The following YPEL2 variants were observed in gnomAD, a reference collection of about 807,000 sequenced individuals.
The protein encoded by YPEL2 is yippee like 2, also known as protein yippee-like 2.
In YPEL2, 2 loss-of-function variants were observed where a neutral mutation model predicts 19.1. The observed-to-expected ratio is 0.10, with a 90% CI of 0.04 to 0.33. The LOEUF is 0.33. YPEL2 is among the 10% of genes least tolerant of loss of function. The pLI is 1.00. For synonymous variants in YPEL2, 52 were observed against 50.0 expected, an observed-to-expected ratio of 1.04 and a Z score of -0.17; for missense variants, 66 against 140.7, an observed-to-expected ratio of 0.47 and a Z score of 2.68.
intron 1 of YPEL2, among the ~76,000 whole-genome samples, chr17:59,350,151 G>T (rs1182320921): frequency 6.6e-6 from 1 of 151,536 alleles, no homozygotes; most frequent in Non-Finnish European, 1.5e-5. Flanking sequence ...GTGCACTGCA[G>T]TCTCAACCTC....
chr17:59,338,411 T>C (rs1443427421), intron 1 of YPEL2, among the ~76,000 whole-genome samples: 1 of 152,222 alleles, frequency 6.6e-6, no homozygotes, highest in Non-Finnish European at 1.5e-5. Flanking sequence ...GTATTTTGTT[T>C]TCTCAAGACA....
In YPEL2 at chr17:59,397,311, C is replaced by A; in HGVS notation, c.*121C>A. On this transcript the variant is annotated 3_prime_UTR_variant, in exon 5 of 5. Coordinates refer to ENST00000312655, the MANE Select transcript of YPEL2 (RefSeq NM_001005404.4). ...CATTTAGGGGCCTTGCCATCCGGGG[C>A]ATCCTCCCACCCTGACGCCATCTTT... 1 of 628,468 alleles carries A rather than the reference C, an allele frequency of 1.6e-6. No individual in the cohort carries two copies. Among genetic ancestry groups the A allele is most frequent in the Non-Finnish European group, 2.6e-6 (1 of 386,906 alleles). 38.9% of individuals were successfully genotyped at this position (628,468 alleles called of 1,614,324 possible).
intron 2 of YPEL2, among the ~76,000 whole-genome samples, chr17:59,386,077 C>G (rs968461603): frequency 1.3e-5 from 2 of 152,062 alleles, no homozygotes; most frequent in Non-Finnish European, 2.9e-5. Flanking sequence ...AATCCCAGCA[C>G]TTTGGAAAGC....
chr17:59,350,866 C>A (rs184441597), intron 1 of YPEL2, among the ~76,000 whole-genome samples: 6 of 152,292 alleles, frequency 3.9e-5, no homozygotes, highest in Middle Eastern at 3.4e-3. Context: ...GTCATTGTTT[C>A]TTTTTCTCCC....
chr17:59,362,207 G>A (rs2047844564), intron 2 of YPEL2, among the ~76,000 whole-genome samples: 1 of 152,004 alleles, frequency 6.6e-6, no homozygotes, highest in Non-Finnish European at 1.5e-5. Context: ...GGTACATGGT[G>A]GTCATTCAGC....
At chr17:59,365,402 C>G (rs2047863337) in intron 2 of YPEL2, among the ~76,000 whole-genome samples, 1 of 152,202 alleles carries the variant, frequency 6.6e-6, no homozygotes, top group Admixed American at 6.5e-5. Flanking sequence ...AAAAGCCTGT[C>G]CCTGCCTCCT....
intron 2 of YPEL2, among the ~76,000 whole-genome samples, chr17:59,376,498 G>T (rs2047921445): frequency 6.6e-6 from 1 of 152,206 alleles, no homozygotes; most frequent in African/African-American, 2.4e-5. Flanking sequence ...GATTACAGGT[G>T]TGAGCCACCA....
At chr17:59,390,854 TTGTC>T (rs1451014421) in intron 4 of YPEL2, among the ~76,000 whole-genome samples, 1 of 152,220 alleles carries the variant, frequency 6.6e-6, no homozygotes, top group African/African-American at 2.4e-5. Flanking sequence ...CATGACTTAT[TTGTC>T]TGTGTGTCCT....
intron 2 of YPEL2, chr17:59,355,369 G>A (rs1401220340): frequency 6.6e-6 from 1 of 152,228 alleles, no homozygotes; most frequent in Non-Finnish European, 1.5e-5. Context: ...AGTATGTGGA[G>A]ATGGTAATGG....
chr17:59,360,714 G>A lies in YPEL2; in HGVS notation c.117+7188G>A, dbSNP rs71372887. Among the ~76,000 whole-genome samples the A allele has an allele frequency of 4.3e-3, 579 of 135,988 alleles. 1 individual carries two copies. Among genetic ancestry groups the A allele is most frequent in the Non-Finnish European group, 6.6e-3 (426 of 64,748 alleles). The allele number at this position is 135,988 out of a possible 152,430, so 89.2% of individuals were successfully genotyped here. A position where few individuals can be genotyped will look rare whatever the true frequency, so the allele number is the denominator to read the frequency against. The stretch of plus-strand genomic sequence containing the variant: ...ATGTGGTTACTTTACAGTGTTTCTT[G>A]GTGAAAAGAAACTATTTGGGGCTCG... On this transcript the variant is annotated intron_variant, in intron 2 of 4. Coordinates refer to ENST00000312655, the MANE Select transcript of YPEL2 (RefSeq NM_001005404.4).
intron 1 of YPEL2, among the ~76,000 whole-genome samples, chr17:59,350,269 C>T (rs562072338): frequency 6.6e-5 from 10 of 151,950 alleles, no homozygotes; most frequent in African/African-American, 9.7e-5. Flanking sequence ...GAGGTCTTGC[C>T]GTGTTGTCCA....
chr17:59,338,681 A>G (rs1440907480), intron 1 of YPEL2, among the ~76,000 whole-genome samples: 1 of 152,146 alleles, frequency 6.6e-6, no homozygotes, highest in Non-Finnish European at 1.5e-5. Context: ...ATGGCTGCAG[A>G]TAGAGCACTC....
intron 2 of YPEL2, among the ~76,000 whole-genome samples, chr17:59,371,668 G>A (rs1281754837): frequency 6.6e-6 from 1 of 152,212 alleles, no homozygotes; most frequent in Admixed American, 6.5e-5. Context: ...AGACAGGAGG[G>A]AGAAGGAGCC....
At chr17:59,336,679 G>A (rs1020411963) in intron 1 of YPEL2, among the ~76,000 whole-genome samples, 1 of 152,188 alleles carries the variant, frequency 6.6e-6, no homozygotes, top group African/African-American at 2.4e-5. Context: ...ATTAATAACA[G>A]CACTAACATT....
intron 2 of YPEL2, among the ~76,000 whole-genome samples, chr17:59,387,479 G>T (rs2047986568): frequency 6.6e-6 from 1 of 151,912 alleles, no homozygotes; most frequent in African/African-American, 2.4e-5. Context: ...ACTGTTGTTA[G>T]ACCACATTAA....
At chr17:59,351,859 A>G (rs762159342) in intron 1 of YPEL2, among the ~76,000 whole-genome samples, 1 of 152,150 alleles carries the variant, frequency 6.6e-6, no homozygotes, top group Non-Finnish European at 1.5e-5. Context: ...ACTGTGGGTT[A>G]AGGGGTGGTG....
At chr17:59,388,073 G>A (rs768122790) in intron 2 of YPEL2, among the ~76,000 whole-genome samples, 9 of 152,220 alleles carry the variant, frequency 5.9e-5, no homozygotes, top group Non-Finnish European at 1.0e-4. Context: ...TGACATAGTG[G>A]TTTTGGGTTT....
intron 2 of YPEL2, chr17:59,354,015 T>TA: frequency 1.6e-5 from 4 of 244,232 alleles, no homozygotes; most frequent in South Asian, 5.1e-5. Flanking sequence ...GTTGAAGAGC[T>TA]GACCTTCTGG....
In YPEL2 at chr17:59,392,376, G is replaced by C. The variant is rs148962265; in HGVS notation, c.270+2908G>C. 4.7e-3 allele frequency among the ~76,000 whole-genome samples: 715 copies of C among 152,284 alleles called. 2 individuals are homozygous for C. The highest frequency in any genetic ancestry group is 7.0e-3 in the Non-Finnish European group (478 of 68,018). ...CAAAGTGTTGACAGTCATGATGCCAGCTGAGGAGGAAAACCAACATGAAAA... is the reference window on the plus strand; with the variant it reads ...CAAAGTGTTGACAGTCATGATGCCACCTGAGGAGGAAAACCAACATGAAAA... On this transcript the variant is annotated intron_variant, in intron 4 of 4. Transcript: ENST00000312655.
Sources: allele counts gnomAD v4.1 joint callset (sites outside exome capture counted in the v4.1 genomes callset), GRCh38; gene constraint gnomAD v4.1.1; transcripts MANE v1.5; gene names NCBI Gene and HGNC (gene_info 2026-07-23, HGNC 2026-07-21).